DUOX1: variants seen among roughly 807,000 people sequenced by gnomAD.
DUOX1 encodes NADPH thyroid oxidase 1.
A neutral mutation model predicts 181.8 loss-of-function variants in DUOX1; 134 were observed. The ratio of observed to expected loss-of-function variants is 0.74; its 90% CI spans 0.64 to 0.85. The LOEUF is 0.85. DUOX1 is among the 40% of genes least tolerant of loss of function. The pLI is 0.00. For missense variants in DUOX1, 1,814 were observed against 2,064.4 expected, an observed-to-expected ratio of 0.88 and a Z score of 2.35; for synonymous variants, 798 against 832.5, an observed-to-expected ratio of 0.96 and a Z score of 0.71.
At chr15:45,159,281 A>G (rs190643204) in intron 28 of DUOX1, among the ~76,000 whole-genome samples, 32 of 152,374 alleles carry the variant, frequency 2.1e-4, no homozygotes, top group African/African-American at 7.5e-4. Flanking sequence ...AGATGAGCAG[A>G]GGGTGACAAA....
chr15:45,159,610 A>G (rs1897047751), intron 28 of DUOX1, among the ~76,000 whole-genome samples: 1 of 152,250 alleles, frequency 6.6e-6, no homozygotes, highest in African/African-American at 2.4e-5. Flanking sequence ...TGACCATGTT[A>G]GACAAACTTA....
chr15:45,136,218 G>C, intron 7 of DUOX1, 132 bp from the exon 8 acceptor site: 1 of 1,452,132 alleles, frequency 6.9e-7, no homozygotes, highest in Non-Finnish European at 9.4e-7. Context: ...CACTGCTCCT[G>C]TTTGAGTTGC....
At chr15:45,136,049 A>G (rs939194493) in intron 7 of DUOX1, 101 bp downstream of exon 7, 15 of 1,479,018 alleles carry the variant, frequency 1.0e-5, no homozygotes, top group Non-Finnish European at 1.4e-5. Flanking sequence ...ACCGCCACCC[A>G]GAAACCCCTC....
At chr15:45,130,871 C>A (rs1896109382) in intron 1 of DUOX1, among the ~76,000 whole-genome samples, 3 of 152,254 alleles carry the variant, frequency 2.0e-5, no homozygotes, top group Admixed American at 2.0e-4. Flanking sequence ...GCTGTGGCTA[C>A]TTCCGTATAT....
chr15:45,157,858 G>T (rs1389264187), intron 28 of DUOX1, among the ~76,000 whole-genome samples: 1 of 151,872 alleles, frequency 6.6e-6, no homozygotes, highest in Non-Finnish European at 1.5e-5. Flanking sequence ...AAGAAAGGTG[G>T]AGGCCTCTAT....
intron 28 of DUOX1, among the ~76,000 whole-genome samples, chr15:45,159,258 G>C (rs982711637): frequency 6.6e-6 from 1 of 152,218 alleles, no homozygotes; most frequent in Non-Finnish European, 1.5e-5. Context: ...GCCACATGGC[G>C]GAGCATAGAA....
chr15:45,157,748 G>A (rs1399043042), intron 28 of DUOX1, among the ~76,000 whole-genome samples: 8 of 151,870 alleles, frequency 5.3e-5, no homozygotes, highest in African/African-American at 1.9e-4. Context: ...GAACCCAGGA[G>A]GTGAAGGTTG....
Position 45,147,551 on chromosome 15 carries a change from A to T in DUOX1, c.2441A>T (p.Lys814Met), listed in dbSNP as rs760742486. 1.2e-6 allele frequency: 2 copies of T among 1,614,122 alleles called. No homozygotes were observed. Among genetic ancestry groups the T allele is most frequent in the Non-Finnish European group, 1.7e-6 (2 of 1,179,978 alleles). The change falls in exon 19 of 34, where the codon AAG (lysine) becomes ATG (methionine). Residue 814 changes from lysine to methionine, a missense_variant. This residue lies in a region of DUOX1 where 1,064 missense variants were observed against 1,152.9 expected (regional missense o/e 0.92). Coordinates refer to ENST00000389037, the MANE Select transcript of DUOX1 (RefSeq NM_175940.3). ...RAEFAESLGL[K>M]PQDMFVESMF... ...GAGTTTGCCGAGTCCCTGGGCCTCA[A>T]GCCCCAGGACATGTTTGTGGAGTCC...
rs759194278 is a variant in DUOX1, at chr15:45,165,065, C to A, written c.*164C>A. ...CAGTCACCATGTGTGGGCTCAGGGA[C>A]CCCCAGGACCAGGATGTGTCTCAGC... On this transcript the variant is annotated 3_prime_UTR_variant, in exon 34 of 34. Transcript: ENST00000389037. 4.3e-6 allele frequency: 3 copies of A among 698,166 alleles called. No homozygotes were observed. The highest frequency in any genetic ancestry group is 7.1e-6 in the Non-Finnish European group (3 of 419,702). The allele number at this position is 698,166 out of a possible 1,614,324, so 43.2% of individuals were successfully genotyped here.
chr15:45,152,140 C>T, intron 24 of DUOX1, 88 bp downstream of exon 24: 1 of 1,524,074 alleles, frequency 6.6e-7, no homozygotes, highest in East Asian at 2.4e-5. Context: ...AGTGCCAGCC[C>T]TGGGTAGGGT....
chr15:45,153,460 G>A lies in DUOX1; in HGVS notation c.3505G>A (p.Gly1169Ser), dbSNP rs1469939800. Reference sequence around the variant, plus strand: ...CAGCGTCCTCTCTTGCCTCTTTCCTGGCCTCTTCCATGATGATGGGTGAGT... The same window carrying A: ...CAGCGTCCTCTCTTGCCTCTTTCCTAGCCTCTTCCATGATGATGGGTGAGT... ...PLSVLSCLFP[G>S]LFHDDGSELP... is the part of the protein sequence containing the mutation. The change falls in exon 26 of 34, where the codon GGC becomes AGC. Residue 1169 changes from glycine (G) to serine (S), a missense_variant. Around this residue, in one of 5 missense-constraint regions of DUOX1, gnomAD observed 279 missense variants for 381.9 expected, o/e 0.73. Coordinates refer to ENST00000389037, the MANE Select transcript of DUOX1 (RefSeq NM_175940.3). The A allele has an allele frequency of 1.9e-6, 3 of 1,612,490 alleles. No individual in the cohort carries two copies. Among genetic ancestry groups the A allele is most frequent in the Non-Finnish European group, 2.5e-6 (3 of 1,179,732 alleles).
chr15:45,151,063 T>C, intron 22 of DUOX1, 60 bp from the exon 23 acceptor site: 1 of 1,601,468 alleles, frequency 6.2e-7, no homozygotes, highest in Non-Finnish European at 8.5e-7. Flanking sequence ...CAGACCAGGA[T>C]AGCAGAGGAA....
chr15:45,143,805 C>T (rs767159957), intron 16 of DUOX1, among the ~76,000 whole-genome samples: 1 of 152,198 alleles, frequency 6.6e-6, no homozygotes, highest in Non-Finnish European at 1.5e-5. Flanking sequence ...ATGCAAAGCA[C>T]TTGGTATAGT....
chr15:45,155,651 C>G lies in DUOX1; in HGVS notation c.3575-151C>G, dbSNP rs1458096649. 3.2e-6 allele frequency: 3 copies of G among 948,940 alleles called. No homozygotes were observed. In the Admixed American group the frequency reaches 6.7e-5, roughly 21 times the overall value. 58.8% of individuals were successfully genotyped at this position (948,940 alleles called of 1,614,324 possible). A position where few individuals can be genotyped will look rare whatever the true frequency, so the allele number is the denominator to read the frequency against. ...TGCTGAAATGAAAGGTACCTGTGAT[C>G]AGTGGTGTTGGGGGAGAGGACCAGA... On this transcript the variant is annotated intron_variant, in intron 27 of 33. Coordinates refer to ENST00000389037, the MANE Select transcript of DUOX1 (RefSeq NM_175940.3).
chr15:45,159,606 T>C (rs1897047636), intron 28 of DUOX1, among the ~76,000 whole-genome samples: 1 of 152,210 alleles, frequency 6.6e-6, no homozygotes, highest in Non-Finnish European at 1.5e-5. Flanking sequence ...TGTCTGACCA[T>C]GTTAGACAAA....
chr15:45,153,238 AAAAAAAAGAG>A, intron 25 of DUOX1, 132 bp from the exon 26 acceptor site: 1 of 420,752 alleles, frequency 2.4e-6, no homozygotes, highest in African/African-American at 2.0e-5. Flanking sequence ...AAAAAAAAAA[AAAAAAAAGAG>A]GTCAGAAGTC....
At chr15:45,135,380 G>T in intron 5 of DUOX1, 89 bp downstream of exon 5, 3 of 1,495,092 alleles carry the variant, frequency 2.0e-6, no homozygotes, top group Non-Finnish European at 8.9e-7. Flanking sequence ...GGGGAGAGGC[G>T]CCCACTCCCC....
At chr15:45,143,663 G>GGCTGAC (rs1278882259) in intron 16 of DUOX1, among the ~76,000 whole-genome samples, 1 of 152,108 alleles carries the variant, frequency 6.6e-6, no homozygotes, top group Non-Finnish European at 1.5e-5. Context: ...TGGAATCTTG[G>GGCTGAC]TTCCACCACC....
chr15:45,150,566 C>A (rs1296242136), intron 21 of DUOX1, 66 bp from the exon 22 acceptor site: 2 of 1,461,658 alleles, frequency 1.4e-6, no homozygotes, highest in Non-Finnish European at 1.9e-6. Context: ...GAGTGCTGTG[C>A]GTTTGAGCCA....
Sources: gnomAD v4.1 joint callset for allele counts (sites outside exome capture counted in the v4.1 genomes callset) on GRCh38, gnomAD v4.1.1 for gene constraint, gnomAD v4.1.1 regional missense constraint, MANE v1.5 for transcripts, NCBI Gene and HGNC (gene_info 2026-07-23, HGNC 2026-07-21) for gene names.